CHLSN: variants seen among roughly 807,000 people sequenced by gnomAD.
The protein encoded by CHLSN is cholesin.
At chr7:1,056,009 A>C in the CHLSN span, 1 of 152,472 alleles carries the variant, frequency 6.6e-6, no homozygotes, top group Non-Finnish European at 1.5e-5. Context: ...ATCCTGAAGA[A>C]CCCCGTCCTC....
chr7:1,071,728 C>T, the CHLSN span, among the ~76,000 whole-genome samples: 1 of 152,190 alleles, frequency 6.6e-6, no homozygotes, highest in Non-Finnish European at 1.5e-5. Context: ...ATGATGCACG[C>T]CCACCTCAGT....
At chr7:1,012,170 G>A in the CHLSN span, among the ~76,000 whole-genome samples, 3 of 152,258 alleles carry the variant, frequency 2.0e-5, no homozygotes, top group Admixed American at 1.3e-4. Context: ...CTGATCACAC[G>A]GGCCAAAGTC....
At chr7:1,037,589 C>T in the CHLSN span, among the ~76,000 whole-genome samples, 2 of 146,636 alleles carry the variant, frequency 1.4e-5, no homozygotes, top group Non-Finnish European at 3.1e-5. Flanking sequence ...TGAATCTCGG[C>T]TCACTACAAC....
the CHLSN span, among the ~76,000 whole-genome samples, chr7:1,135,792 T>TACAC: frequency 0.35 from 36,724 of 106,190 alleles, 5,116 homozygotes; most frequent in African/African-American, 0.41. Flanking sequence ...TATATATATA[T>TACAC]ACACAATTTA....
the CHLSN span, among the ~76,000 whole-genome samples, chr7:1,098,305 C>A: frequency 6.6e-6 from 1 of 152,226 alleles, no homozygotes; most frequent in African/African-American, 2.4e-5. Context: ...AACATGCATC[C>A]AAGCAAGCAT....
the CHLSN span, among the ~76,000 whole-genome samples, chr7:1,115,528 C>T: frequency 6.7e-6 from 1 of 150,140 alleles, no homozygotes; most frequent in African/African-American, 2.4e-5. Context: ...CACCAACGCC[C>T]ATGCAGGATG....
chr7:1,117,202 C>G, the CHLSN span, among the ~76,000 whole-genome samples: 1 of 28,710 alleles, frequency 3.5e-5, no homozygotes, highest in South Asian at 1.1e-3. Flanking sequence ...TACAACTCTA[C>G]GGACCGGCTT....
At chr7:1,017,126 GC>G in the CHLSN span, among the ~76,000 whole-genome samples, 1 of 152,236 alleles carries the variant, frequency 6.6e-6, no homozygotes, top group African/African-American at 2.4e-5. Flanking sequence ...GGCCACGCGG[GC>G]CCAGAGCACC....
chr7:1,089,041 G>C, the CHLSN span, among the ~76,000 whole-genome samples: 1 of 152,194 alleles, frequency 6.6e-6, no homozygotes, highest in Non-Finnish European at 1.5e-5. Flanking sequence ...TAAACGTTAA[G>C]TTGAGGGTTC....
At chr7:1,009,175 T>C in the CHLSN span, among the ~76,000 whole-genome samples, 2 of 152,082 alleles carry the variant, frequency 1.3e-5, no homozygotes, top group Non-Finnish European at 2.9e-5. Context: ...CCCACAGAGG[T>C]GCGGCTGGAG....
the CHLSN span, among the ~76,000 whole-genome samples, chr7:1,036,361 G>A: frequency 8.6e-5 from 13 of 151,558 alleles, no homozygotes; most frequent in South Asian, 2.1e-4. Context: ...TCGGGTGCTC[G>A]TGGTGTGGCC....
At chr7:1,017,985 G>C in the CHLSN span, among the ~76,000 whole-genome samples, 1 of 152,224 alleles carries the variant, frequency 6.6e-6, no homozygotes, top group African/African-American at 2.4e-5. Flanking sequence ...GGTGACAGAA[G>C]ACCTAGTAGA....
chr7:1,087,111 A>C, the CHLSN span: 5 of 152,208 alleles, frequency 3.3e-5, no homozygotes, highest in Non-Finnish European at 7.3e-5. Context: ...GCCGCCCCGC[A>C]TGAGGCAGTT....
At chr7:1,094,700 G>A in the CHLSN span, among the ~76,000 whole-genome samples, 1 of 152,052 alleles carries the variant, frequency 6.6e-6, no homozygotes, top group Non-Finnish European at 1.5e-5. Context: ...CCTCCTGTCT[G>A]TGGGACATAA....
chr7:1,038,526 A>G, the CHLSN span, among the ~76,000 whole-genome samples: 1 of 88,634 alleles, frequency 1.1e-5, no homozygotes, highest in African/African-American at 4.6e-5. Flanking sequence ...TCCGGGAGGG[A>G]GGTGGGGGGG....
chr7:1,071,885 G>A, the CHLSN span, among the ~76,000 whole-genome samples: 11 of 152,294 alleles, frequency 7.2e-5, no homozygotes, highest in South Asian at 1.5e-3. Flanking sequence ...GGAGGGCTTC[G>A]GCACCCAAGA....
the CHLSN span, among the ~76,000 whole-genome samples, chr7:1,015,279 G>A: frequency 1.3e-5 from 2 of 152,050 alleles, no homozygotes; most frequent in Non-Finnish European, 2.9e-5. Context: ...GAGAGCAGGT[G>A]TGGGCTCCCC....
the CHLSN span, among the ~76,000 whole-genome samples, chr7:1,000,705 C>T: frequency 6.6e-6 from 1 of 152,194 alleles, no homozygotes; most frequent in Non-Finnish European, 1.5e-5. Context: ...TTTGGAGCCC[C>T]TCCCCTGCCC....
At chr7:1,015,678 G>A in the CHLSN span, among the ~76,000 whole-genome samples, 2 of 152,174 alleles carry the variant, frequency 1.3e-5, no homozygotes, top group South Asian at 4.1e-4. Flanking sequence ...GTTGGTGGGC[G>A]GGGCCAGGAC....
Sources: allele counts gnomAD v4.1 joint callset (sites outside exome capture counted in the v4.1 genomes callset), GRCh38; gene constraint gnomAD v4.1.1; transcripts MANE v1.5; gene names NCBI Gene and HGNC (gene_info 2026-07-23, HGNC 2026-07-21).